The following P2RX3 variants were observed in gnomAD, a reference collection of about 807,000 sequenced individuals.
The protein encoded by P2RX3 is purinergic receptor P2X 3.
A neutral mutation model predicts 51.5 loss-of-function variants in P2RX3; 41 were observed. The ratio of observed to expected loss-of-function variants is 0.80; its 90% confidence interval spans 0.62 to 1.03. The LOEUF (loss-of-function observed/expected upper bound fraction) is 1.03, where lower values mean the gene tolerates loss of function less well. P2RX3 is among the 50% of genes least tolerant of loss of function. The probability of loss-of-function intolerance (pLI) is 0.00; values close to 1 mark genes in which losing one functional copy is unlikely to be tolerated. For synonymous variants in P2RX3, 185 were observed against 191.6 expected, an observed-to-expected ratio of 0.97 and a Z score of 0.29; for missense variants, 459 against 522.1, an observed-to-expected ratio of 0.88 and a Z score of 1.18.
At chr11:57,358,227 T>C (rs1269074377) in intron 8 of P2RX3, among the ~76,000 whole-genome samples, 1 of 152,194 alleles carries the variant, frequency 6.6e-6, no homozygotes, top group Admixed American at 6.5e-5. Flanking sequence ...GGGCTGCTCC[T>C]ACAGGTAGTG....
At chr11:57,349,547 C>A (rs1381516958) in intron 6 of P2RX3, among the ~76,000 whole-genome samples, 1 of 152,030 alleles carries the variant, frequency 6.6e-6, no homozygotes, top group African/African-American at 2.4e-5. Context: ...GATTAGTCAC[C>A]GACATACATC....
chr11:57,349,668 T>A, intron 6 of P2RX3, 89 bp from the exon 7 acceptor site: 1 of 1,539,108 alleles, frequency 6.5e-7, no homozygotes, highest in Non-Finnish European at 8.9e-7. Flanking sequence ...AGATCCCCCC[T>A]AGGCCTGGGC....
At chr11:57,343,515 C>G (rs1050656678) in intron 1 of P2RX3, among the ~76,000 whole-genome samples, 2 of 152,230 alleles carry the variant, frequency 1.3e-5, no homozygotes, top group African/African-American at 4.8e-5. Context: ...CAATCCTGGG[C>G]AAGTTAGCAC....
Position 57,371,997 on chromosome 11 carries a change from C to T in P2RX3, c.*2000C>T, listed in dbSNP as rs746982897. On this transcript the variant is annotated 3_prime_UTR_variant, in exon 12 of 12. Transcript: ENST00000263314. The stretch of plus-strand genomic sequence containing the variant: ...TGTGTGTGAGCCTGAGGTTGTCCTC[C>T]GCATATCTGAACTAAGTTACCACTT... Among the ~76,000 whole-genome samples the T allele has an allele frequency of 3.3e-5, 5 of 152,016 alleles. No individual in the cohort carries two copies. The highest frequency in any genetic ancestry group is 5.9e-5 in the Non-Finnish European group (4 of 67,996).
At chr11:57,344,322 G>A (rs899443961) in intron 1 of P2RX3, among the ~76,000 whole-genome samples, 20 of 152,180 alleles carry the variant, frequency 1.3e-4, no homozygotes, top group Admixed American at 6.5e-5. Flanking sequence ...ATGATCATTA[G>A]CATGACATAA....
In P2RX3 at chr11:57,349,759, G is replaced by C; in HGVS notation, c.566G>C (p.Gly189Ala). 1 of 1,614,072 alleles carries C rather than the reference G, an allele frequency of 6.2e-7. No homozygotes were observed. The highest frequency in any genetic ancestry group is 8.5e-7 in the Non-Finnish European group (1 of 1,180,002). ...CCTCTCTCTCTGCTCCTCCCCAGGG[G>C]AAACCTCCTTCCCAACCTGACAGCC... ...IRFPLFNFEK[G>A]NLLPNLTARD... The change falls in exon 7 of 12, where the codon GGA becomes GCA. Residue 189 changes from glycine to alanine, a missense_variant and splice_region_variant. By Grantham distance (60) the Gly-to-Ala change is moderately conservative (BLOSUM62 0). Coordinates refer to ENST00000263314, the MANE Select transcript of P2RX3 (RefSeq NM_002559.5).
intron 1 of P2RX3, among the ~76,000 whole-genome samples, chr11:57,343,144 T>C (rs1250345448): frequency 3.3e-5 from 5 of 152,150 alleles, no homozygotes; most frequent in Admixed American, 3.3e-4. Flanking sequence ...CTTGATGACA[T>C]CCCGAGGCCC....
intron 1 of P2RX3, among the ~76,000 whole-genome samples, chr11:57,345,187 C>T (rs1856409756): frequency 6.6e-6 from 1 of 152,220 alleles, no homozygotes. Context: ...ACGGCTTTGT[C>T]TTCTCTGGGC....
At position 57,347,457 on chromosome 11, in the gene P2RX3, C is replaced by A; in HGVS notation, c.370C>A (p.Pro124Thr). 6.4e-7 allele frequency: 1 copy of A among 1,558,320 alleles called. No homozygotes were observed. The highest frequency in any genetic ancestry group is 8.7e-7 in the Non-Finnish European group (1 of 1,150,686). The change falls in exon 4 of 12, where the codon CCT (proline) becomes ACT (threonine). Residue 124 changes from proline (P) to threonine (T), a missense_variant. Physicochemically the swap from Pro to Thr is conservative, Grantham distance 38. Coordinates refer to ENST00000263314, the MANE Select transcript of P2RX3 (RefSeq NM_002559.5). Reference protein sequence around the residue: ...YRCVSDSQCGPERLPGGGILT... With the variant: ...YRCVSDSQCGTERLPGGGILT... ...CTGTGTATCAGACAGCCAGTGCGGGCCTGAGCGCTTGCCAGGTGGGGGTGA... is the reference window on the plus strand; with the variant it reads ...CTGTGTATCAGACAGCCAGTGCGGGACTGAGCGCTTGCCAGGTGGGGGTGA...
intron 1 of P2RX3, among the ~76,000 whole-genome samples, chr11:57,346,047 A>G (rs918217674): frequency 2.0e-5 from 3 of 152,096 alleles, no homozygotes; most frequent in Non-Finnish European, 4.4e-5. Flanking sequence ...TTGGACACTT[A>G]GGGTACAGCC....
intron 1 of P2RX3, among the ~76,000 whole-genome samples, chr11:57,343,793 A>G (rs1216062290): frequency 6.6e-6 from 1 of 152,162 alleles, no homozygotes; most frequent in Non-Finnish European, 1.5e-5. Flanking sequence ...TTTAGACCAC[A>G]GTTTGCACTC....
intron 8 of P2RX3, among the ~76,000 whole-genome samples, chr11:57,361,773 A>G (rs1330710784): frequency 6.6e-6 from 1 of 152,248 alleles, no homozygotes; most frequent in African/African-American, 2.4e-5. Context: ...TCTTTATAAT[A>G]GAATGATTTA....
intron 7 of P2RX3, chr11:57,350,296 CTT>C (rs1183553337): frequency 1.7e-3 from 181 of 108,764 alleles, no homozygotes; most frequent in South Asian, 6.1e-3. Flanking sequence ...GAGCCACAAC[CTT>C]TTTTTTTTTT....
intron 8 of P2RX3, among the ~76,000 whole-genome samples, chr11:57,351,927 C>A (rs1049662314): frequency 6.6e-6 from 1 of 152,076 alleles, no homozygotes; most frequent in Non-Finnish European, 1.5e-5. Context: ...TTGTGGATTT[C>A]CCCCAGTTTT....
upstream of P2RX3, among the ~76,000 whole-genome samples, chr11:57,337,350 G>A (rs202186461): frequency 0.011 from 768 of 72,896 alleles, no homozygotes; most frequent in African/African-American, 0.014. Flanking sequence ...AGGAAAGAAA[G>A]AAAAAAAAAA....
intron 9 of P2RX3, 59 bp from the exon 10 acceptor site, chr11:57,368,313 G>A (rs139276875): frequency 2.3e-4 from 359 of 1,583,740 alleles, no homozygotes; most frequent in Non-Finnish European, 2.9e-4. Context: ...GTGCAGCCTC[G>A]GGCCTCACCC....
chr11:57,339,463 A>G (rs1001379471), intron 1 of P2RX3, among the ~76,000 whole-genome samples: 3 of 152,220 alleles, frequency 2.0e-5, no homozygotes, highest in Admixed American at 1.3e-4. Flanking sequence ...GAGTTGCTTA[A>G]GAGCCAGGAA....
intron 7 of P2RX3, 62 bp from the exon 8 acceptor site, chr11:57,350,700 C>G (rs1856530277): frequency 6.3e-7 from 1 of 1,591,652 alleles, no homozygotes; most frequent in Admixed American, 1.7e-5. Context: ...CCACCCCCAC[C>G]CTGGCCCAGA....
Position 57,368,022 on chromosome 11 carries a change from T to C in P2RX3, c.856T>C (p.Tyr286His), listed in dbSNP as rs748007841. ...TCTGACCTCCAGGTTTGCCAAGTAC[T>C]ACAAAATGGAAAATGGCAGTGAGTA... The part of the protein sequence containing the change: ...PGYNFRFAKY[Y>H]KMENGSEYRT... The change falls in exon 9 of 12, where the codon TAC becomes CAC. Residue 286 changes from tyrosine (Y) to histidine (H), a missense_variant. Physicochemically the swap from Tyr to His is moderately conservative, Grantham distance 83. Transcript: ENST00000263314. 16 of 1,614,006 alleles carry C rather than the reference T, an allele frequency of 9.9e-6. No homozygotes were observed. In the African/African-American group the frequency reaches 2.1e-4, roughly 22 times the overall value.
Sources: allele counts gnomAD v4.1 joint callset (sites outside exome capture counted in the v4.1 genomes callset), GRCh38; gene constraint gnomAD v4.1.1; transcripts MANE v1.5; gene names NCBI Gene and HGNC (gene_info 2026-07-23, HGNC 2026-07-21).